GNG12: variants seen among roughly 807,000 people sequenced by gnomAD.
GNG12 encodes the protein G protein subunit gamma 12.
For synonymous variants in GNG12, 28 were observed against 29.7 expected (o/e 0.94, Z 0.19); for missense variants, 69 against 83.8 (o/e 0.82, Z 0.69).
At chr1:67,788,098 T>C (rs1372659447) in intron 1 of GNG12, among the ~76,000 whole-genome samples, 1 of 152,206 alleles carries the variant, frequency 6.6e-6, no homozygotes, top group Admixed American at 6.5e-5. Context: ...ACGGAACCTT[T>C]TGGAATAGCT....
chr1:67,767,062 G>T (rs567432771), intron 2 of GNG12, among the ~76,000 whole-genome samples: 5 of 152,104 alleles, frequency 3.3e-5, no homozygotes, highest in Non-Finnish European at 7.4e-5. Context: ...CAATTTTGGG[G>T]GTCCTCTTTA....
At chr1:67,713,763 G>A (rs539374299) in intron 2 of GNG12, among the ~76,000 whole-genome samples, 4 of 152,298 alleles carry the variant, frequency 2.6e-5, no homozygotes, top group Admixed American at 2.6e-4. Context: ...GTAAAAGAGG[G>A]ACTACAATGC....
intron 1 of GNG12, among the ~76,000 whole-genome samples, chr1:67,803,228 A>AC (rs2100799438): frequency 1.4e-5 from 1 of 69,836 alleles, no homozygotes; most frequent in South Asian, 3.5e-4. Context: ...ATTTAAAGTT[A>AC]GTTGGTTGGG....
intron 2 of GNG12, among the ~76,000 whole-genome samples, chr1:67,758,029 T>C (rs2100734624): frequency 6.6e-6 from 1 of 152,326 alleles, no homozygotes; most frequent in Middle Eastern, 3.4e-3. Flanking sequence ...TGCAGTGCAG[T>C]GGCACGGTCT....
chr1:67,708,057 G>A (rs951122302), intron 2 of GNG12, among the ~76,000 whole-genome samples: 21 of 152,192 alleles, frequency 1.4e-4, no homozygotes, highest in African/African-American at 4.6e-4. Flanking sequence ...TGGCAAAAGT[G>A]AGCATTTGCT....
chr1:67,768,365 C>CT (rs1646653748), intron 2 of GNG12, among the ~76,000 whole-genome samples: 1 of 152,102 alleles, frequency 6.6e-6, no homozygotes. Flanking sequence ...CCAAAAATCA[C>CT]TTTTGATACT....
chr1:67,799,888 G>C (rs1005368829), intron 1 of GNG12, among the ~76,000 whole-genome samples: 1 of 151,764 alleles, frequency 6.6e-6, no homozygotes, highest in African/African-American at 2.4e-5. Context: ...GAGACAGCTG[G>C]TTTTTTTTGG....
chr1:67,833,353 G>T lies in GNG12; in HGVS notation c.-86C>A. 1.0e-6 allele frequency: 1 copy of T among 983,644 alleles called. No homozygotes were observed. Among genetic ancestry groups the T allele is most frequent in the African/African-American group, 1.7e-5 (1 of 57,192 alleles). The allele number at this position is 983,644 out of a possible 1,614,324, so 60.9% of individuals were successfully genotyped here. ...GCCGCTTGGTACTCACCCGCCTGCC[G>T]GTGCGCTGCCCCGCCGTCGCCGCCG... is the stretch of plus-strand genomic sequence containing the variant. On this transcript the variant is annotated 5_prime_UTR_variant, in exon 1 of 4. Coordinates refer to ENST00000370982, the MANE Select transcript of GNG12 (RefSeq NM_018841.6).
chr1:67,809,183 T>C (rs902135507), intron 1 of GNG12, among the ~76,000 whole-genome samples: 4 of 152,000 alleles, frequency 2.6e-5, no homozygotes, highest in Non-Finnish European at 4.4e-5. Context: ...GGAGCAAAAA[T>C]AGTATTTTCA....
At chr1:67,832,187 A>T (rs1444568825) in intron 1 of GNG12, 1 of 152,252 alleles carries the variant, frequency 6.6e-6, no homozygotes, top group Non-Finnish European at 1.5e-5. Flanking sequence ...CCAACTCCAC[A>T]CGGTCTAATA....
At chr1:67,786,547 C>T (rs1646768585) in intron 1 of GNG12, among the ~76,000 whole-genome samples, 1 of 152,126 alleles carries the variant, frequency 6.6e-6, no homozygotes, top group South Asian at 2.1e-4. Context: ...CTTCCACCAT[C>T]CTGCTGCTTG....
At chr1:67,716,059 A>C (rs1258275744) in intron 2 of GNG12, among the ~76,000 whole-genome samples, 1 of 152,190 alleles carries the variant, frequency 6.6e-6, no homozygotes, top group Non-Finnish European at 1.5e-5. Context: ...CAAAGAGCAA[A>C]AGAGAACATG....
chr1:67,832,699 C>A (rs1161824854), intron 1 of GNG12, among the ~76,000 whole-genome samples: 1 of 152,182 alleles, frequency 6.6e-6, no homozygotes, highest in African/African-American at 2.4e-5. Flanking sequence ...CGGGTCCCCA[C>A]TCGGGGGTCC....
chr1:67,741,143 T>A (rs747351213), intron 2 of GNG12, among the ~76,000 whole-genome samples: 2 of 152,226 alleles, frequency 1.3e-5, no homozygotes, highest in Non-Finnish European at 2.9e-5. Context: ...AAATACAGAC[T>A]GGGGACACGT....
intron 2 of GNG12, among the ~76,000 whole-genome samples, chr1:67,775,518 C>T (rs1050962829): frequency 2.6e-5 from 4 of 152,234 alleles, no homozygotes; most frequent in African/African-American, 9.6e-5. Flanking sequence ...TGTATTTCAA[C>T]AGGTGCCTTG....
chr1:67,822,414 C>A (rs1291907472), intron 1 of GNG12, among the ~76,000 whole-genome samples: 1 of 152,016 alleles, frequency 6.6e-6, no homozygotes, highest in Non-Finnish European at 1.5e-5. Context: ...TTTGATTAGG[C>A]ACCCAAAGGT....
chr1:67,741,639 T>C (rs1257696671), intron 2 of GNG12, among the ~76,000 whole-genome samples: 1 of 152,222 alleles, frequency 6.6e-6, no homozygotes, highest in Non-Finnish European at 1.5e-5. Context: ...TTAAGCTAGC[T>C]GTTTGATACT....
At chr1:67,818,485 G>A (rs964985380) in intron 1 of GNG12, among the ~76,000 whole-genome samples, 3 of 131,974 alleles carry the variant, frequency 2.3e-5, no homozygotes, top group Non-Finnish European at 3.1e-5. Flanking sequence ...AAAATTCAGC[G>A]AAAAGGAACT....
At chr1:67,742,166 A>T (rs1288232869) in intron 2 of GNG12, among the ~76,000 whole-genome samples, 1 of 152,188 alleles carries the variant, frequency 6.6e-6, no homozygotes, top group African/African-American at 2.4e-5. Context: ...ATTCTCTAGC[A>T]CCCTTTTAGA....
Sources: allele counts gnomAD v4.1 joint callset (sites outside exome capture counted in the v4.1 genomes callset), GRCh38; gene constraint gnomAD v4.1.1; transcripts MANE v1.5; gene names NCBI Gene and HGNC (gene_info 2026-07-23, HGNC 2026-07-21).